SETD1B: variants seen among roughly 807,000 people sequenced by gnomAD.
SETD1B encodes SET domain containing 1B, histone lysine methyltransferase.
SETD1B carries 7 observed loss-of-function variants against 148.0 expected under a neutral mutation model. The ratio of observed to expected loss-of-function variants is 0.05; its 90% CI spans 0.03 to 0.09. The LOEUF (loss-of-function observed/expected upper bound fraction) is 0.09, where lower values mean the gene tolerates loss of function less well. SETD1B is among the 10% of genes least tolerant of loss of function. SETD1B has a pLI of 1.00. For missense variants in SETD1B, 2,155 were observed against 2,729.9 expected (o/e 0.79, Z 4.69); for synonymous variants, 1,361 against 1,186.5 (o/e 1.15, Z -3.02).
the SETD1B span, chr12:121,797,515 G>A: frequency 8.8e-6 from 4 of 456,458 alleles, no homozygotes; most frequent in East Asian, 6.9e-5. Flanking sequence ...AGAGAGAGGG[G>A]TACAGTCCAG....
Position 121,805,082 on chromosome 12 carries a change from G to C in SETD1B, c.175-36G>C. On this transcript the variant is annotated intron_variant, in intron 2 of 16. Transcript: ENST00000604567. This position sits in a 1 kb window ranked among gnomAD's most constrained non-coding sequence, Gnocchi z 4.2. ...GGTCTGCCCATGGGGAGGGGGACCA[G>C]TTCTCTCATCCCGGCCCCCCAATTT... is the stretch of plus-strand genomic sequence containing the variant. 1.3e-6 allele frequency: 2 copies of C among 1,542,014 alleles called. No individual in the cohort carries two copies. Among genetic ancestry groups the C allele is most frequent in the Non-Finnish European group, 1.8e-6 (2 of 1,138,430 alleles).
Position 121,817,519 on chromosome 12 carries a change from G to C in SETD1B, c.3127G>C (p.Ala1043Pro). 6.4e-7 allele frequency: 1 copy of C among 1,551,452 alleles called. No homozygotes were observed. Among genetic ancestry groups the C allele is most frequent in the Non-Finnish European group, 8.7e-7 (1 of 1,146,920 alleles). The change falls in exon 9 of 17, where the codon GCG (alanine) becomes CCG (proline). Residue 1043 changes from alanine to proline, a missense_variant. Physicochemically the swap from Ala to Pro is conservative, Grantham distance 27. This residue lies in a region of SETD1B where 862 missense variants were observed against 873.8 expected (regional missense o/e 0.99). Coordinates refer to ENST00000604567, the MANE Select transcript of SETD1B (RefSeq NM_001353345.2). The surrounding 1 kb of genome is among the most constrained non-coding windows in gnomAD (Gnocchi z 8.1). ...GGAGGACGAGAAGGAGTCATTGTCG[G>C]CGTCCTCGTCCTCATCCGCGTCATC... Reference protein sequence around the residue: ...GEEDEKESLSASSSSSASSSS... With the variant: ...GEEDEKESLSPSSSSSASSSS...
chr12:121,793,493 C>T, the SETD1B span: 1 of 1,541,378 alleles, frequency 6.5e-7, no homozygotes, highest in Non-Finnish European at 8.7e-7. Flanking sequence ...CTGCGGGCCT[C>T]ACCTCGGGGA....
chr12:121,817,244 G>T lies in SETD1B; in HGVS notation c.2927G>T (p.Gly976Val). ...GAGCCACCAGACACCACCTCATCTG[G>T]CGACCAGAAGCGGCTGCGGCCCTCG... ...RKEPPDTTSSGDQKRLRPSTS... is the reference protein window; with the variant it reads ...RKEPPDTTSSVDQKRLRPSTS... The change falls in exon 8 of 17, where the codon GGC becomes GTC. Residue 976 changes from glycine to valine, a missense_variant. Physicochemically the swap from Gly to Val is moderately radical, Grantham distance 109. This residue lies in a region of SETD1B where 289 missense variants were observed against 423.7 expected (regional missense o/e 0.68). Coordinates refer to ENST00000604567, the MANE Select transcript of SETD1B (RefSeq NM_001353345.2). This position sits in a 1 kb window ranked among gnomAD's most constrained non-coding sequence, Gnocchi z 8.1. 1 of 1,551,062 alleles carries T rather than the reference G, an allele frequency of 6.4e-7. No individual in the cohort carries two copies. The highest frequency in any genetic ancestry group is 8.7e-7 in the Non-Finnish European group (1 of 1,146,948).
chr12:121,817,513 T>C lies in SETD1B; in HGVS notation c.3121T>C (p.Leu1041=). 1 of 1,551,398 alleles carries C rather than the reference T, an allele frequency of 6.4e-7. No individual in the cohort carries two copies. The highest frequency in any genetic ancestry group is 8.7e-7 in the Non-Finnish European group (1 of 1,146,914). ...TGGGGAGGAGGACGAGAAGGAGTCA[T>C]TGTCGGCGTCCTCGTCCTCATCCGC... ...SGGEEDEKES[L]SASSSSSASS... is the part of the protein sequence containing the mutation. The change falls in exon 9 of 17, where the codon TTG becomes CTG. Residue 1041 remains leucine (L), a synonymous_variant. Coordinates refer to ENST00000604567, the MANE Select transcript of SETD1B (RefSeq NM_001353345.2). The surrounding 1 kb of genome is among the most constrained non-coding windows in gnomAD (Gnocchi z 8.1).
intron 12 of SETD1B, among the ~76,000 whole-genome samples, chr12:121,824,637 ACT>A (rs745746436): frequency 1.1e-4 from 16 of 149,998 alleles, no homozygotes; most frequent in Non-Finnish European, 1.6e-4. Context: ...ACAGAACAAG[ACT>A]CTGTCTCAAA....
chr12:121,793,514 G>T, the SETD1B span: 1 of 1,543,226 alleles, frequency 6.5e-7, no homozygotes, highest in Non-Finnish European at 8.7e-7. Flanking sequence ...AGGAGCCCTG[G>T]CTGTACACCA....
At chr12:121,815,461 C>T (rs199795033) in intron 7 of SETD1B, among the ~76,000 whole-genome samples, 373 of 152,172 alleles carry the variant, frequency 2.5e-3, no homozygotes, top group African/African-American at 8.6e-3. Context: ...CTCCCCTCAC[C>T]TCCCCTCATG....
rs1876469793 is a variant in SETD1B at position 121,819,605 on chromosome 12, A to G, written c.3620A>G (p.Glu1207Gly). ...GAAAGCATGGCTTCTGCAGGCCCTG[A>G]GGACTTTGAGCAGGACGGGGAGGAA... Reference protein sequence around the residue: ...AEESMASAGPEDFEQDGEEAA... With the variant: ...AEESMASAGPGDFEQDGEEAA... The change falls in exon 11 of 17, where the codon GAG (glutamate) becomes GGG (glycine). Residue 1207 changes from glutamate to glycine, a missense_variant. Glu to Gly is a moderately conservative substitution (Grantham distance 98, BLOSUM62 -2). Transcript: ENST00000604567. The G allele has an allele frequency of 6.4e-7, 1 of 1,552,100 alleles. No homozygotes were observed. Among genetic ancestry groups the G allele is most frequent in the East Asian group, 2.4e-5 (1 of 40,928 alleles).
chr12:121,820,886 C>T (rs1044840380), intron 11 of SETD1B, among the ~76,000 whole-genome samples: 3 of 152,222 alleles, frequency 2.0e-5, no homozygotes, highest in Non-Finnish European at 4.4e-5. Context: ...TGCCCCTGTA[C>T]ATTGAACACA....
chr12:121,821,412 C>T (rs945071803), intron 11 of SETD1B, among the ~76,000 whole-genome samples: 3 of 150,116 alleles, frequency 2.0e-5, no homozygotes, highest in African/African-American at 7.4e-5. Flanking sequence ...GCACTCCAGC[C>T]TGGGCGATAG....
intron 6 of SETD1B, among the ~76,000 whole-genome samples, chr12:121,812,062 CCCCGGGAGCGAGGGTCTGGGA>C (rs1876058681): frequency 6.6e-6 from 1 of 152,144 alleles, no homozygotes; most frequent in East Asian, 1.9e-4. Flanking sequence ...CAGGCTGAGG[CCCCGGGAGCGAGGGTCTGGGA>C]CTGCCCGGCC....
At chr12:121,793,791 G>C in the SETD1B span, 28 of 593,066 alleles carry the variant, frequency 4.7e-5, no homozygotes, top group South Asian at 6.6e-4. Flanking sequence ...TTTCCTTTCT[G>C]CTAAGGTCTC....
At position 121,809,687 on chromosome 12, in the gene SETD1B, G is replaced by A. The variant is rs1015141539; in HGVS notation, c.742G>A (p.Gly248Ser). 7.7e-5 allele frequency: 120 copies of A among 1,551,470 alleles called. No homozygotes were observed. Among genetic ancestry groups the A allele is most frequent in the Admixed American group, 1.2e-4 (6 of 50,982 alleles). ...CTCCTCCTCTGTCACCCCCAATAGC[G>A]GTGGGACACCCTTCTCCCAGGACAC... The part of the protein sequence containing the change: ...SGSSSVTPNS[G>S]GTPFSQDTAY... The change falls in exon 6 of 17, where the codon GGT becomes AGT. Residue 248 changes from glycine to serine, a missense_variant. Coordinates refer to ENST00000604567, the MANE Select transcript of SETD1B (RefSeq NM_001353345.2).
intron 13 of SETD1B, among the ~76,000 whole-genome samples, chr12:121,825,708 A>T (rs927588650): frequency 6.6e-6 from 1 of 152,016 alleles, no homozygotes; most frequent in African/African-American, 2.4e-5. Flanking sequence ...GCAGTGGCAC[A>T]GTCTCAGCTC....
rs928198489 is a variant in SETD1B, at chr12:121,817,858, A to T, written c.3372A>T (p.Thr1124=). The change falls in exon 10 of 17, where the codon ACA becomes ACT. Residue 1124 remains threonine, a synonymous_variant. Coordinates refer to ENST00000604567, the MANE Select transcript of SETD1B (RefSeq NM_001353345.2). This position sits in a 1 kb window ranked among gnomAD's most constrained non-coding sequence, Gnocchi z 8.1. ...RDESENDDED[T]ALSEASEKDE... is the part of the protein sequence containing the mutation. The stretch of plus-strand genomic sequence containing the variant: ...AGTCTGAGAACGATGACGAGGACAC[A>T]GCCCTGTCAGAGGCGAGTGAGAAGG... 1.9e-6 allele frequency: 3 copies of T among 1,551,024 alleles called. No individual in the cohort carries two copies. In the African/African-American group the frequency reaches 4.1e-5, roughly 21 times the overall value.
At chr12:121,818,839 G>A (rs1335796708) in intron 10 of SETD1B, among the ~76,000 whole-genome samples, 6 of 151,438 alleles carry the variant, frequency 4.0e-5, no homozygotes, top group Non-Finnish European at 5.9e-5. Context: ...GCAGTGAGCC[G>A]GGATCGCCCC....
intron 6 of SETD1B, 81 bp from the exon 7 acceptor site, chr12:121,814,025 T>C (rs1876160666): frequency 8.7e-7 from 1 of 1,153,048 alleles, no homozygotes; most frequent in Non-Finnish European, 1.2e-6. Context: ...GTGCCACTGA[T>C]TGCTAGTCTT....
chr12:121,828,231 T>C (rs565577334), intron 16 of SETD1B, among the ~76,000 whole-genome samples, 161 bp downstream of exon 16: 11 of 152,246 alleles, frequency 7.2e-5, no homozygotes, highest in Non-Finnish European at 1.6e-4. Flanking sequence ...GTGAGGTCTT[T>C]TACCAGGAGC....
Sources: gnomAD v4.1 joint callset for allele counts (sites outside exome capture counted in the v4.1 genomes callset) on GRCh38, gnomAD v4.1.1 for gene constraint, gnomAD v4.1.1 regional missense constraint, Gnocchi (gnomAD v3.1) non-coding constraint, MANE v1.5 for transcripts, NCBI Gene and HGNC (gene_info 2026-07-23, HGNC 2026-07-21) for gene names.